CEP128: variants seen among roughly 807,000 people sequenced by gnomAD.
CEP128 encodes the protein centrosomal protein 128kDa.
Under a neutral mutation model 156.7 loss-of-function variants are expected in CEP128, and 132 were observed. The ratio of observed to expected loss-of-function variants is 0.84; its 90% confidence interval spans 0.73 to 0.97. The LOEUF is 0.97. Among genes scored for constraint, CEP128 ranks in the 50% least tolerant of loss-of-function variants. The pLI is 0.00. For missense variants in CEP128, 1,252 were observed against 1,281.9 expected (o/e 0.98, Z 0.36); for synonymous variants, 469 against 448.9 (o/e 1.04, Z -0.57).
At chr14:80,597,948 T>TAAA (rs202140927) in intron 19 of CEP128, among the ~76,000 whole-genome samples, 11 of 26,610 alleles carry the variant, frequency 4.1e-4, no homozygotes, top group Non-Finnish European at 5.6e-4. Flanking sequence ...ATTCCTCAGC[T>TAAA]ACAAAAAAAA....
At chr14:80,756,982 A>T (rs763556559) in intron 17 of CEP128, 31 bp from the exon 18 acceptor site, 14 of 1,400,014 alleles carry the variant, frequency 1.0e-5, no homozygotes, top group Non-Finnish European at 1.3e-5. Flanking sequence ...GATTAGAAAT[A>T]CATTTTTCTC....
chr14:80,666,476 C>T (rs1386147169), intron 19 of CEP128, among the ~76,000 whole-genome samples: 1 of 152,144 alleles, frequency 6.6e-6, no homozygotes, highest in Non-Finnish European at 1.5e-5. Context: ...TGGGCCCCTT[C>T]CCCAGTCAGA....
intron 8 of CEP128, among the ~76,000 whole-genome samples, chr14:80,884,715 G>T (rs11844105): frequency 6.6e-6 from 1 of 152,166 alleles, no homozygotes; most frequent in Admixed American, 6.5e-5. Flanking sequence ...TGGGTTTCAA[G>T]CACAAAACTG....
chr14:80,836,390 A>G, intron 11 of CEP128, 53 bp from the exon 12 acceptor site: 1 of 1,604,092 alleles, frequency 6.2e-7, no homozygotes, highest in Non-Finnish European at 8.5e-7. Flanking sequence ...AGAAAGACCT[A>G]CTTCAAATGG....
intron 19 of CEP128, among the ~76,000 whole-genome samples, chr14:80,604,975 T>C (rs548024262): frequency 6.6e-6 from 1 of 152,232 alleles, no homozygotes; most frequent in South Asian, 2.1e-4. Context: ...CTCAAGTTTC[T>C]GGACAAGTTT....
At chr14:80,618,813 G>A (rs1893339956) in intron 19 of CEP128, among the ~76,000 whole-genome samples, 1 of 152,146 alleles carries the variant, frequency 6.6e-6, no homozygotes, top group South Asian at 2.1e-4. Flanking sequence ...TAAAACCCAG[G>A]TTCCTCAATC....
intron 2 of CEP128, among the ~76,000 whole-genome samples, chr14:80,917,593 G>A (rs894652969): frequency 4.6e-5 from 7 of 152,160 alleles, no homozygotes; most frequent in Admixed American, 2.0e-4. Context: ...GAGTGCAGTG[G>A]CACGATCTCA....
intron 19 of CEP128, among the ~76,000 whole-genome samples, chr14:80,654,271 A>G (rs1256480786): frequency 6.6e-6 from 1 of 152,066 alleles, no homozygotes; most frequent in Non-Finnish European, 1.5e-5. Context: ...TGTGGCCACG[A>G]AGAATACAGT....
At chr14:80,674,820 T>C (rs781322028) in intron 19 of CEP128, among the ~76,000 whole-genome samples, 1 of 152,106 alleles carries the variant, frequency 6.6e-6, no homozygotes, top group Non-Finnish European at 1.5e-5. Flanking sequence ...GCTTAACCAC[T>C]AGAGATCTTA....
At chr14:80,726,721 A>G (rs920867430) in intron 19 of CEP128, among the ~76,000 whole-genome samples, 2 of 152,256 alleles carry the variant, frequency 1.3e-5, no homozygotes, top group Non-Finnish European at 2.9e-5. Context: ...AATGTGCATT[A>G]TATAGTCATG....
At chr14:80,873,299 T>C (rs1012024338) in intron 8 of CEP128, among the ~76,000 whole-genome samples, 2 of 152,226 alleles carry the variant, frequency 1.3e-5, no homozygotes, top group Non-Finnish European at 2.9e-5. Context: ...GTGAAAGAGT[T>C]TGAGCTCTCT....
intron 8 of CEP128, among the ~76,000 whole-genome samples, chr14:80,885,974 G>C (rs144079777): frequency 6.6e-6 from 1 of 151,896 alleles, no homozygotes; most frequent in South Asian, 2.1e-4. Flanking sequence ...TGAGAACTTC[G>C]CGAAGCATAG....
chr14:80,566,181 C>T (rs1889162331), intron 20 of CEP128, among the ~76,000 whole-genome samples: 1 of 152,172 alleles, frequency 6.6e-6, no homozygotes, highest in Admixed American at 6.6e-5. Context: ...CCCAAAGAGA[C>T]CACTGCATGG....
Position 80,831,226 on chromosome 14 carries a change from C to A in CEP128, c.1126G>T (p.Ala376Ser). The A allele has an allele frequency of 3.1e-6, 5 of 1,613,842 alleles. No individual in the cohort carries two copies. Among genetic ancestry groups the A allele is most frequent in the Non-Finnish European group, 4.2e-6 (5 of 1,179,796 alleles). The change falls in exon 13 of 25, where the codon GCA becomes TCA. Residue 376 changes from alanine (A) to serine (S), a missense_variant. Transcript: ENST00000555265. ...SDLRVQLNFS[A>S]MASELEEVKR... is the part of the protein sequence containing the mutation. The stretch of plus-strand genomic sequence containing the variant: ...ACTTCCTCTAACTCAGATGCCATTG[C>A]GCTGAAGTTCAGCTGCACTCTCAAA...
At chr14:80,789,078 G>A (rs1901570497) in intron 14 of CEP128, among the ~76,000 whole-genome samples, 2 of 150,886 alleles carry the variant, frequency 1.3e-5, no homozygotes, top group Admixed American at 1.3e-4. Context: ...CTGTTAAGGA[G>A]AAGGAGTGGA....
chr14:80,575,439 CAT>C (rs1161396736), intron 20 of CEP128, among the ~76,000 whole-genome samples: 1 of 151,946 alleles, frequency 6.6e-6, no homozygotes, highest in East Asian at 1.9e-4. Context: ...TGGCCAAAGA[CAT>C]AATACTACTT....
intron 19 of CEP128, among the ~76,000 whole-genome samples, chr14:80,644,209 G>A (rs549069577): frequency 6.6e-6 from 1 of 152,292 alleles, no homozygotes; most frequent in Non-Finnish European, 1.5e-5. Flanking sequence ...TGAGTTCTAG[G>A]CTCCAGAACT....
At chr14:80,879,498 T>C (rs1427028837) in intron 8 of CEP128, among the ~76,000 whole-genome samples, 3 of 151,528 alleles carry the variant, frequency 2.0e-5, no homozygotes, top group Non-Finnish European at 1.5e-5. Flanking sequence ...GAGATACATG[T>C]TATTAAAAAA....
chr14:80,748,069 A>G (rs937730874), intron 18 of CEP128, among the ~76,000 whole-genome samples: 43 of 152,232 alleles, frequency 2.8e-4, no homozygotes, highest in African/African-American at 1.0e-3. Context: ...AGAGTAAGTC[A>G]AGGCAGAAAA....
Sources: allele counts gnomAD v4.1 joint callset (sites outside exome capture counted in the v4.1 genomes callset), GRCh38; gene constraint gnomAD v4.1.1; transcripts MANE v1.5; gene names NCBI Gene and HGNC (gene_info 2026-07-23, HGNC 2026-07-21).